Variants in SCAPER observed in about 807,000 individuals in gnomAD.
SCAPER encodes S-phase cyclin A associated protein in the ER.
SCAPER carries 98 observed loss-of-function variants against 182.2 expected under a neutral mutation model. The observed-to-expected ratio is 0.54, with a 90% confidence interval of 0.46 to 0.64. SCAPER has a LOEUF of 0.64. SCAPER is among the 30% of genes least tolerant of loss of function. The pLI is 0.00. For synonymous variants in SCAPER, 605 were observed against 564.6 expected (o/e 1.07, Z -1.01); for missense variants, 1,432 against 1,690.0 (o/e 0.85, Z 2.68).
chr15:76,865,829 C>T (rs4886838), intron 2 of SCAPER, among the ~76,000 whole-genome samples: 114,054 of 152,024 alleles, frequency 0.75, 43,556 homozygotes, highest in East Asian at 0.84. Context: ...TGTAAACATC[C>T]GTACCCATAT....
intron 22 of SCAPER, among the ~76,000 whole-genome samples, chr15:76,589,258 G>A (rs113998171): frequency 0.029 from 4,337 of 152,146 alleles, 192 homozygotes; most frequent in African/African-American, 0.093. Context: ...AGGATCTGGC[G>A]GTGGGTGGGG....
chr15:76,496,605 A>G (rs1326652957), intron 24 of SCAPER, among the ~76,000 whole-genome samples: 1 of 152,112 alleles, frequency 6.6e-6, no homozygotes, highest in Non-Finnish European at 1.5e-5. Context: ...AATGAATGTC[A>G]TTTTCTATAT....
intron 25 of SCAPER, among the ~76,000 whole-genome samples, chr15:76,456,940 T>G (rs1212276144): frequency 6.6e-6 from 1 of 152,226 alleles, no homozygotes; most frequent in Non-Finnish European, 1.5e-5. Context: ...TTTTATCCAC[T>G]TTCAACCTGT....
chr15:76,466,570 T>A (rs1401772735), intron 25 of SCAPER, among the ~76,000 whole-genome samples: 1 of 151,596 alleles, frequency 6.6e-6, no homozygotes, highest in African/African-American at 2.4e-5. Flanking sequence ...TTCTTTAGGA[T>A]TGGTTTGTGA....
intron 20 of SCAPER, among the ~76,000 whole-genome samples, chr15:76,680,354 T>C (rs575122526): frequency 1.3e-5 from 2 of 150,536 alleles, no homozygotes; most frequent in African/African-American, 4.9e-5. Flanking sequence ...ACCAGGTAAA[T>C]TTCAGAGCAA....
intron 26 of SCAPER, among the ~76,000 whole-genome samples, chr15:76,433,684 T>C (rs2047009846): frequency 6.6e-6 from 1 of 152,226 alleles, no homozygotes; most frequent in African/African-American, 2.4e-5. Context: ...AAATGAAATT[T>C]CCTGTCAAGA....
Position 76,594,567 on chromosome 15 carries a change from C to T in SCAPER, c.2712-20283G>A, listed in dbSNP as rs1199999103. Among the ~76,000 whole-genome samples, 2 of 121,290 alleles carry T rather than the reference C, an allele frequency of 1.6e-5. 1 individual carries two copies. The highest frequency in any genetic ancestry group is 4.0e-5 in the Non-Finnish European group (2 of 50,058). The allele number at this position is 121,290 out of a possible 152,430, so 79.6% of individuals were successfully genotyped here. ...GAAATGAAGGAAAACATGTTAAGGG[C>T]AGCCAGAGAGAAAGGTCGGGTTATC... On this transcript the variant is annotated intron_variant, in intron 22 of 31. Coordinates refer to ENST00000563290, the MANE Select transcript of SCAPER (RefSeq NM_020843.4).
At chr15:76,853,649 T>G (rs2071018537) in intron 4 of SCAPER, among the ~76,000 whole-genome samples, 2 of 151,490 alleles carry the variant, frequency 1.3e-5, no homozygotes, top group Non-Finnish European at 2.9e-5. Context: ...ATAAATGAGA[T>G]ATTAAAGGAA....
At chr15:76,528,194 T>C (rs1463129026) in intron 23 of SCAPER, among the ~76,000 whole-genome samples, 1 of 152,240 alleles carries the variant, frequency 6.6e-6, no homozygotes, top group Non-Finnish European at 1.5e-5. Context: ...GGGCCAGATT[T>C]GGTCCATGGG....
chr15:76,810,263 G>T (rs2066491618), intron 5 of SCAPER, among the ~76,000 whole-genome samples: 1 of 151,848 alleles, frequency 6.6e-6, no homozygotes, highest in African/African-American at 2.4e-5. Context: ...AAAGATAAGA[G>T]ATAAAAGTAT....
intron 20 of SCAPER, among the ~76,000 whole-genome samples, chr15:76,695,802 T>C (rs1392142715): frequency 6.6e-6 from 1 of 152,000 alleles, no homozygotes; most frequent in Non-Finnish European, 1.5e-5. Flanking sequence ...TGTGTGTGCA[T>C]TATATACTGA....
chr15:76,696,528 T>C (rs1388214668), intron 20 of SCAPER, among the ~76,000 whole-genome samples: 3 of 152,150 alleles, frequency 2.0e-5, no homozygotes, highest in Non-Finnish European at 4.4e-5. Context: ...GCTTGTACAA[T>C]GTACATGCTT....
chr15:76,488,747 A>C (rs2051951404), intron 24 of SCAPER, among the ~76,000 whole-genome samples: 1 of 53,078 alleles, frequency 1.9e-5, no homozygotes, highest in African/African-American at 8.2e-5. Flanking sequence ...TTTTTTTGAG[A>C]CGGAGTCTCT....
At chr15:76,458,196 T>A (rs1382881546) in intron 25 of SCAPER, among the ~76,000 whole-genome samples, 1 of 152,074 alleles carries the variant, frequency 6.6e-6, no homozygotes, top group Non-Finnish European at 1.5e-5. Context: ...TCTCTCACTA[T>A]ATATTCTCCT....
intron 27 of SCAPER, 89 bp from the exon 28 acceptor site, chr15:76,381,704 C>T (rs1411240199): frequency 3.9e-5 from 41 of 1,042,712 alleles, no homozygotes; most frequent in African/African-American, 6.4e-5. Context: ...ACAAGCAGAC[C>T]GTTAAAAACA....
intron 15 of SCAPER, among the ~76,000 whole-genome samples, chr15:76,751,889 G>C (rs1315113533): frequency 6.6e-6 from 1 of 151,548 alleles, no homozygotes; most frequent in Non-Finnish European, 1.5e-5. Flanking sequence ...TGGACTTTGT[G>C]AAAATTAAAA....
intron 1 of SCAPER, among the ~76,000 whole-genome samples, chr15:76,891,528 CAGAG>C (rs754534769): frequency 5.9e-5 from 9 of 152,126 alleles, no homozygotes; most frequent in Admixed American, 5.9e-4. Context: ...CAATAACAGA[CAGAG>C]AGCCCAATCA....
chr15:76,378,345 G>T (rs933828700), intron 28 of SCAPER, among the ~76,000 whole-genome samples: 6 of 152,116 alleles, frequency 3.9e-5, no homozygotes, highest in Non-Finnish European at 7.4e-5. Flanking sequence ...ATGCTGAGAT[G>T]TACACCTTCC....
intron 27 of SCAPER, among the ~76,000 whole-genome samples, chr15:76,403,538 A>G (rs994877553): frequency 2.4e-4 from 36 of 152,212 alleles, no homozygotes; most frequent in African/African-American, 8.2e-4. Flanking sequence ...ATTTTAGAAT[A>G]TAGTTTCCCC....
Sources: allele counts gnomAD v4.1 joint callset (sites outside exome capture counted in the v4.1 genomes callset), GRCh38; gene constraint gnomAD v4.1.1; transcripts MANE v1.5; gene names NCBI Gene and HGNC (gene_info 2026-07-23, HGNC 2026-07-21).